Variants in ROCK1 observed in about 807,000 individuals in gnomAD.
ROCK1 encodes the protein Rho associated coiled-coil containing protein kinase 1.
Under a neutral mutation model 196.8 loss-of-function variants are expected in ROCK1, and 36 were observed. The ratio of observed to expected loss-of-function variants is 0.18; its 90% CI spans 0.14 to 0.24. The LOEUF is 0.24. Ranked by LOEUF, ROCK1 falls within the 10% of genes least tolerant of loss-of-function variation. ROCK1 has a pLI of 1.00. For synonymous variants in ROCK1, 443 were observed against 515.9 expected, an observed-to-expected ratio of 0.86 and a Z score of 1.91; for missense variants, 920 against 1,562.0, an observed-to-expected ratio of 0.59 and a Z score of 6.93.
At chr18:21,027,584 A>G (rs529493544) in intron 10 of ROCK1, among the ~76,000 whole-genome samples, 5 of 152,202 alleles carry the variant, frequency 3.3e-5, no homozygotes, top group South Asian at 2.1e-4. Context: ...CTTAAACCTT[A>G]TAACAATCCT....
At position 20,949,919 on chromosome 18, in the gene ROCK1, G is replaced by A. The variant is rs72879406; in HGVS notation, c.*1465C>T. ...TTATTTCTCATTAAATGAGCACAGA[G>A]TCATTAGTATATTAATAACAGATAT... On this transcript the variant is annotated 3_prime_UTR_variant, in exon 33 of 33. Transcript: ENST00000399799. The A allele has an allele frequency of 0.19, 26,746 of 138,926 alleles. No homozygotes were observed. Among genetic ancestry groups the A allele is most frequent in the East Asian group, 0.35 (1,610 of 4,542 alleles). The allele number at this position is 138,926 out of a possible 1,614,324, so 8.6% of individuals were successfully genotyped here.
At chr18:21,095,970 T>C (rs1002436201) in intron 1 of ROCK1, among the ~76,000 whole-genome samples, 3 of 151,408 alleles carry the variant, frequency 2.0e-5, no homozygotes, top group Non-Finnish European at 2.9e-5. Context: ...ACACCTACTA[T>C]GTATCCACAA....
At chr18:21,026,675 T>C (rs1275565450) in intron 10 of ROCK1, among the ~76,000 whole-genome samples, 1 of 152,070 alleles carries the variant, frequency 6.6e-6, no homozygotes, top group East Asian at 1.9e-4. Context: ...ATTGTCTTTT[T>C]GTTTTCTAAG....
At position 21,020,196 on chromosome 18, in the gene ROCK1, A is replaced by T; in HGVS notation, c.1316T>A (p.Leu439Gln). ...QKTIYKLEEQ[L>Q]HNEMQLKDEM... is the part of the protein sequence containing the mutation. ...ATCTTTTAACTGCATTTCATTATGC[A>T]GCTGTTCTTCCAGCTTATAGATTGT... Residue 439 changes from leucine to glutamine, a missense_variant, in exon 12 of 33, where the codon CTG becomes CAG. Leu to Gln is a moderately radical substitution (Grantham distance 113). Transcript: ENST00000399799. 6.3e-7 allele frequency: 1 copy of T among 1,598,922 alleles called. No homozygotes were observed.
intron 21 of ROCK1, among the ~76,000 whole-genome samples, chr18:20,981,370 G>C (rs1161018530): frequency 1.3e-5 from 2 of 152,052 alleles, no homozygotes; most frequent in Non-Finnish European, 2.9e-5. Context: ...TCTCCAGCCT[G>C]GGCAAGAGGG....
At chr18:20,961,818 C>CTTTTT (rs11334095) in intron 27 of ROCK1, among the ~76,000 whole-genome samples, 5 of 117,208 alleles carry the variant, frequency 4.3e-5, no homozygotes, top group Non-Finnish European at 7.0e-5. Flanking sequence ...TTTCTTTTTC[C>CTTTTT]TTTTTTTTTT....
intron 16 of ROCK1, 39 bp from the exon 17 acceptor site, chr18:20,992,976 AAAG>A: frequency 7.8e-7 from 1 of 1,279,500 alleles, no homozygotes; most frequent in Non-Finnish European, 1.1e-6. Context: ...GTAGTCATTG[AAAG>A]AAGTCTTTTT....
At chr18:21,093,336 C>A (rs1199184797) in intron 1 of ROCK1, among the ~76,000 whole-genome samples, 1 of 152,148 alleles carries the variant, frequency 6.6e-6, no homozygotes, top group Admixed American at 6.5e-5. Context: ...AAGCACAGGG[C>A]ACGTTGTGAG....
At chr18:21,079,724 A>G (rs1258093913) in intron 1 of ROCK1, among the ~76,000 whole-genome samples, 1 of 152,160 alleles carries the variant, frequency 6.6e-6, no homozygotes, top group Non-Finnish European at 1.5e-5. Flanking sequence ...CATGGCTACT[A>G]AAAGAACTGG....
intron 1 of ROCK1, among the ~76,000 whole-genome samples, chr18:21,109,197 A>G (rs1314245114): frequency 6.6e-6 from 1 of 152,204 alleles, no homozygotes; most frequent in African/African-American, 2.4e-5. Flanking sequence ...GTTTCTGTGT[A>G]TATATGTGAG....
intron 2 of ROCK1, among the ~76,000 whole-genome samples, chr18:21,052,176 T>G (rs1229676780): frequency 2.0e-5 from 3 of 152,196 alleles, no homozygotes; most frequent in African/African-American, 7.2e-5. Context: ...TTCTAGCTTG[T>G]TCTAATACAG....
chr18:21,059,963 A>T (rs1471000247), intron 2 of ROCK1, among the ~76,000 whole-genome samples: 1 of 152,264 alleles, frequency 6.6e-6, no homozygotes, highest in Admixed American at 6.5e-5. Flanking sequence ...CTTCTATAGG[A>T]AATGTCTCTA....
chr18:20,966,876 T>A (rs1378043744), intron 27 of ROCK1, 41 bp downstream of exon 27: 1 of 1,458,784 alleles, frequency 6.9e-7, no homozygotes, highest in Admixed American at 2.0e-5. Flanking sequence ...CTAATTTCCA[T>A]GACATTTATA....
At position 20,948,011 on chromosome 18, in the gene ROCK1, GAGGCA is replaced by G. The variant is rs2035146162; in HGVS notation, c.*3368_*3372del. The G allele has an allele frequency of 6.6e-6, 1 of 152,010 alleles. No homozygotes were observed. Among genetic ancestry groups the G allele is most frequent in the African/African-American group, 2.4e-5 (1 of 41,320 alleles). 9.4% of individuals were successfully genotyped at this position (152,010 alleles called of 1,614,324 possible). On this transcript the variant is annotated 3_prime_UTR_variant, in exon 33 of 33. Coordinates refer to ENST00000399799, the MANE Select transcript of ROCK1 (RefSeq NM_005406.3). Reference sequence around the variant, plus strand: ...TGTAATCCCAGCTACTCGGGAGTCTGAGGCAGGAGGATCACTTGAACCTGGGAGGC... The same window carrying G: ...TGTAATCCCAGCTACTCGGGAGTCTGGGAGGATCACTTGAACCTGGGAGGC...
chr18:20,978,842 G>GGAT (rs1307655874), intron 22 of ROCK1, among the ~76,000 whole-genome samples: 1 of 152,194 alleles, frequency 6.6e-6, no homozygotes, highest in Non-Finnish European at 1.5e-5. Context: ...TCTCTTTCAT[G>GGAT]GATGATGATG....
intron 32 of ROCK1, among the ~76,000 whole-genome samples, chr18:20,953,139 T>C (rs2035206766): frequency 1.3e-5 from 2 of 151,658 alleles, no homozygotes; most frequent in Non-Finnish European, 2.9e-5. Flanking sequence ...AAAAACATAG[T>C]CACTGATAAT....
chr18:21,110,201 G>C (rs925995619), intron 1 of ROCK1, among the ~76,000 whole-genome samples: 1 of 152,098 alleles, frequency 6.6e-6, no homozygotes, highest in Non-Finnish European at 1.5e-5. Context: ...TGTATGGTAC[G>C]TACTTTTGTA....
intron 12 of ROCK1, among the ~76,000 whole-genome samples, chr18:21,018,530 C>CAAA (rs200960983): frequency 1.1e-5 from 1 of 91,892 alleles, no homozygotes; most frequent in Non-Finnish European, 2.4e-5. Flanking sequence ...GATTTCGTCT[C>CAAA]AAAAAAAAAA....
chr18:20,982,908 G>T, intron 20 of ROCK1, 76 bp from the exon 21 acceptor site: 1 of 665,270 alleles, frequency 1.5e-6, no homozygotes, highest in South Asian at 1.8e-5. Flanking sequence ...GTTTGTTAAA[G>T]TTGCTAATAT....
Sources: gnomAD v4.1 joint callset for allele counts (sites outside exome capture counted in the v4.1 genomes callset) on GRCh38, gnomAD v4.1.1 for gene constraint, MANE v1.5 for transcripts, NCBI Gene and HGNC (gene_info 2026-07-23, HGNC 2026-07-21) for gene names.